ITPR2: variants seen among roughly 807,000 people sequenced by gnomAD.
ITPR2 encodes inositol 1,4,5-trisphosphate-gated calcium channel ITPR2.
Under a neutral mutation model 317.1 loss-of-function variants are expected in ITPR2, and 207 were observed. The ratio of observed to expected loss-of-function variants is 0.65; its 90% CI spans 0.58 to 0.73. The LOEUF is 0.73. ITPR2 is among the 30% of genes least tolerant of loss of function. ITPR2 has a pLI of 0.00. For synonymous variants in ITPR2, 1,156 were observed against 1,149.1 expected (o/e 1.01, Z -0.12); for missense variants, 2,613 against 3,284.0 (o/e 0.80, Z 4.99).
intron 44 of ITPR2, among the ~76,000 whole-genome samples, chr12:26,475,645 T>C (rs771256154): frequency 6.6e-6 from 1 of 152,206 alleles, no homozygotes; most frequent in Non-Finnish European, 1.5e-5. Flanking sequence ...ATGTTGATAG[T>C]GCCGAAGTTC....
At chr12:26,830,119 G>T (rs1037989243) in intron 1 of ITPR2, among the ~76,000 whole-genome samples, 4 of 152,216 alleles carry the variant, frequency 2.6e-5, no homozygotes, top group Non-Finnish European at 5.9e-5. Flanking sequence ...GGCCAGGCTG[G>T]TCTCAAACTG....
intron 45 of ITPR2, among the ~76,000 whole-genome samples, chr12:26,446,327 GT>G (rs1462521293): frequency 2.0e-5 from 3 of 152,026 alleles, no homozygotes; most frequent in Non-Finnish European, 4.4e-5. Context: ...GGAGTAGAGA[GT>G]TGTAAATAAT....
intron 37 of ITPR2, among the ~76,000 whole-genome samples, chr12:26,498,133 AGTT>A (rs1942987989): frequency 6.6e-6 from 1 of 152,236 alleles, no homozygotes; most frequent in South Asian, 2.1e-4. Flanking sequence ...GAACATAGAC[AGTT>A]ATTATTGCTT....
rs569969777 is a variant in ITPR2 at position 26,336,362 on chromosome 12, G to C, written c.*3035C>G. Among the ~76,000 whole-genome samples the C allele has an allele frequency of 6.6e-6, 1 of 152,244 alleles. No individual in the cohort carries two copies. The highest frequency in any genetic ancestry group is 2.4e-5 in the African/African-American group (1 of 41,552). On this transcript the variant is annotated 3_prime_UTR_variant, in exon 57 of 57. Transcript: ENST00000381340. ...TTATGAGCTGAGAATATGGGAATAA[G>C]CACACAATTAGTTCTGACGAAAGAA...
At chr12:26,368,296 CTT>C (rs1222919829) in intron 55 of ITPR2, among the ~76,000 whole-genome samples, 1 of 152,132 alleles carries the variant, frequency 6.6e-6, no homozygotes, top group Non-Finnish European at 1.5e-5. Flanking sequence ...TGGCCAAACT[CTT>C]TTATATTTCT....
Position 26,663,797 on chromosome 12 carries a change from G to A in ITPR2, c.1601C>T (p.Ser534Leu), listed in dbSNP as rs986635793. Residue 534 changes from serine to leucine, a missense_variant, in exon 15 of 57, where the codon TCG becomes TTG. By Grantham distance (145) the Ser-to-Leu change is moderately radical. Transcript: ENST00000381340. ...APFKEKAGEG[S>L]MLRLEDLGDQ... is the part of the protein sequence containing the mutation. ...CCCCAGATCTTCAAGTCTCAGCATC[G>A]AGCCTTCTCCTGCTTTCTCTTTAAA... is the stretch of plus-strand genomic sequence containing the variant. The A allele has an allele frequency of 3.7e-6, 6 of 1,613,696 alleles. No homozygotes were observed. Among genetic ancestry groups the A allele is most frequent in the South Asian group, 1.1e-5 (1 of 91,016 alleles).
At chr12:26,548,281 G>C (rs751095193) in intron 37 of ITPR2, among the ~76,000 whole-genome samples, 10 of 152,188 alleles carry the variant, frequency 6.6e-5, no homozygotes, top group Non-Finnish European at 1.5e-4. Context: ...GCAAAGGTCA[G>C]GGCAGGAAAA....
chr12:26,638,973 T>C (rs1946920585), intron 21 of ITPR2, among the ~76,000 whole-genome samples: 2 of 152,204 alleles, frequency 1.3e-5, no homozygotes, highest in African/African-American at 2.4e-5. Context: ...TACTATGTCA[T>C]TGTTAACAAA....
At chr12:26,609,547 T>G (rs1298348695) in intron 26 of ITPR2, among the ~76,000 whole-genome samples, 2 of 151,996 alleles carry the variant, frequency 1.3e-5, no homozygotes, top group Non-Finnish European at 2.9e-5. Flanking sequence ...GAGTCTGCAG[T>G]GAGCTGTGAT....
intron 1 of ITPR2, chr12:26,801,039 C>T: frequency 5.2e-6 from 1 of 193,458 alleles, no homozygotes; most frequent in Non-Finnish European, 1.1e-5. Context: ...TCTTCACAGG[C>T]TGACGACTGA....
chr12:26,745,378 C>T (rs116907761), intron 2 of ITPR2, among the ~76,000 whole-genome samples: 2,161 of 152,358 alleles, frequency 0.014, 34 homozygotes, highest in Middle Eastern at 0.024. Context: ...CAACCCTTTG[C>T]ACCACAGACA....
intron 37 of ITPR2, among the ~76,000 whole-genome samples, chr12:26,519,183 A>G (rs1943602979): frequency 6.6e-6 from 1 of 152,198 alleles, no homozygotes; most frequent in Non-Finnish European, 1.5e-5. Context: ...CTTCCTATGA[A>G]ATAAATAAAA....
intron 54 of ITPR2, among the ~76,000 whole-genome samples, chr12:26,392,141 T>C (rs10842723): frequency 0.37 from 56,677 of 152,028 alleles, 11,034 homozygotes; most frequent in East Asian, 0.46. Flanking sequence ...TTCTTCTCAA[T>C]TTCCACTCCT....
chr12:26,792,751 C>T (rs1376144532), intron 1 of ITPR2, among the ~76,000 whole-genome samples: 2 of 152,114 alleles, frequency 1.3e-5, no homozygotes, highest in East Asian at 3.9e-4. Flanking sequence ...TCCCAATTAA[C>T]TCTCCCTCTT....
intron 2 of ITPR2, among the ~76,000 whole-genome samples, chr12:26,767,868 A>G (rs976177361): frequency 6.6e-6 from 1 of 152,208 alleles, no homozygotes; most frequent in Non-Finnish European, 1.5e-5. Flanking sequence ...ATTCAACATT[A>G]TTTATACTTA....
chr12:26,444,931 AT>A (rs1260643927), intron 45 of ITPR2, among the ~76,000 whole-genome samples: 1 of 152,058 alleles, frequency 6.6e-6, no homozygotes, highest in East Asian at 1.9e-4. Context: ...TTCTATTTAC[AT>A]TTTTTTAACT....
chr12:26,626,301 T>G (rs1946624048), intron 23 of ITPR2, among the ~76,000 whole-genome samples: 1 of 152,168 alleles, frequency 6.6e-6, no homozygotes, highest in African/African-American at 2.4e-5. Context: ...ACACCACTTA[T>G]TTCTCATCTC....
Position 26,621,262 on chromosome 12 carries a change from T to C in ITPR2, c.3323A>G (p.Asn1108Ser). Residue 1108 changes from asparagine to serine, a missense_variant, in exon 26 of 57, where the codon AAC becomes AGC. Around this residue, in one of 9 missense-constraint regions of ITPR2, gnomAD observed 817 missense variants for 897.6 expected, o/e 0.91. Transcript: ENST00000381340. ...QLLVSNQDVD[N>S]YKQIKADLDQ... The stretch of plus-strand genomic sequence containing the variant: ...TAGATCTGCCTTGATTTGCTTGTAG[T>C]TATCTACGTCTTGATTAGACACCAG... 6.2e-7 allele frequency: 1 copy of C among 1,613,498 alleles called. No homozygotes were observed. The highest frequency in any genetic ancestry group is 8.5e-7 in the Non-Finnish European group (1 of 1,179,664).
chr12:26,401,537 GA>G (rs1940176352), intron 52 of ITPR2, among the ~76,000 whole-genome samples: 1 of 152,182 alleles, frequency 6.6e-6, no homozygotes, highest in Non-Finnish European at 1.5e-5. Context: ...TTAAAGTAGT[GA>G]AAAATTAATA....
Sources: gnomAD v4.1 joint callset for allele counts (sites outside exome capture counted in the v4.1 genomes callset) on GRCh38, gnomAD v4.1.1 for gene constraint, gnomAD v4.1.1 regional missense constraint, MANE v1.5 for transcripts, NCBI Gene and HGNC (gene_info 2026-07-23, HGNC 2026-07-21) for gene names.